KDM2B: variants seen among roughly 807,000 people sequenced by gnomAD.
KDM2B encodes the protein lysine-specific demethylase 2B.
A neutral mutation model predicts 150.0 loss-of-function variants in KDM2B; 26 were observed. That is an observed-to-expected ratio of 0.17 (90% CI 0.13 to 0.24). The LOEUF is 0.24. Among genes scored for constraint, KDM2B ranks in the 10% least tolerant of loss-of-function variants. KDM2B has a pLI of 1.00. For synonymous variants in KDM2B, 734 were observed against 729.5 expected (o/e 1.01, Z -0.10); for missense variants, 1,265 against 1,816.9 (o/e 0.70, Z 5.52).
At chr12:121,423,701 G>C in the KDM2B span, 1 of 826,934 alleles carries the variant, frequency 1.2e-6, no homozygotes, top group Non-Finnish European at 1.9e-6. This position sits in a 1 kb window ranked among gnomAD's most constrained non-coding sequence, Gnocchi z 4.3. Context: ...TGACTACTAA[G>C]TGGGGACAGA....
In KDM2B at chr12:121,509,575, C is replaced by A; in HGVS notation, c.1639G>T (p.Gly547Cys). The change falls in exon 11 of 23, where the codon GGT becomes TGT. Residue 547 changes from glycine to cysteine, a missense_variant. This residue lies in a region of KDM2B where 69 missense variants were observed against 85.7 expected (regional missense o/e 0.81). Coordinates refer to ENST00000377071, the MANE Select transcript of KDM2B (RefSeq NM_032590.5). ...GIEDPQALLE[G>C]VKNVLKEHAD... ...ACGCCACTCCTGCCCACCTTCACAC[C>A]CTCCAGGAGTGCCTGGGGGTCCTCG... 6.2e-7 allele frequency: 1 copy of A among 1,613,086 alleles called. No homozygotes were observed. The highest frequency in any genetic ancestry group is 8.5e-7 in the Non-Finnish European group (1 of 1,179,706).
chr12:121,463,995 C>G (rs1879474096), intron 12 of KDM2B, among the ~76,000 whole-genome samples: 2 of 151,676 alleles, frequency 1.3e-5, no homozygotes, highest in Admixed American at 1.3e-4. Context: ...AAAGCCAAGA[C>G]AGGAGGATCA....
chr12:121,446,901 CAG>C (rs1876373299), intron 13 of KDM2B, among the ~76,000 whole-genome samples: 1 of 152,180 alleles, frequency 6.6e-6, no homozygotes, highest in South Asian at 2.1e-4. Context: ...CCGCCTAACT[CAG>C]GGAGCCAATA....
chr12:121,510,881 G>A (rs1254390221), intron 10 of KDM2B, among the ~76,000 whole-genome samples: 2 of 151,990 alleles, frequency 1.3e-5, no homozygotes, highest in African/African-American at 4.8e-5. Context: ...TCAACTCAGT[G>A]AAATGTCCCA....
Position 121,493,059 on chromosome 12 carries a change from C to CTTT in KDM2B, c.1734+1517_1734+1519dup, listed in dbSNP as rs61628112. On this transcript the variant is annotated intron_variant, in intron 12 of 22. Transcript: ENST00000377071. The stretch of plus-strand genomic sequence containing the variant: ...TACAGGCATGCACTATCATGCCTGG[C>CTTT]TTTTTTTTTTTTTTTTTTTTTTTTT... Among the ~76,000 whole-genome samples, 432 of 54,078 alleles carry CTTT rather than the reference C, an allele frequency of 8.0e-3. 130 individuals carry two copies. The highest frequency in any genetic ancestry group is 0.049 in the African/African-American group (409 of 8,342). The allele number at this position is 54,078 out of a possible 152,430, so 35.5% of individuals were successfully genotyped here. A position where few individuals can be genotyped will look rare whatever the true frequency, so the allele number is the denominator to read the frequency against.
At chr12:121,494,349 G>C (rs1393735140) in intron 12 of KDM2B, 10 of 469,330 alleles carry the variant, frequency 2.1e-5, no homozygotes, top group African/African-American at 8.1e-5. Flanking sequence ...GCACCCCCCA[G>C]TTTTCCAAGT....
At position 121,532,741 on chromosome 12, in the gene KDM2B, G is replaced by T; in HGVS notation, c.931+65C>A. The T allele has an allele frequency of 2.6e-6, 4 of 1,554,932 alleles. No individual in the cohort carries two copies. In the East Asian group the frequency reaches 6.7e-5, roughly 26 times the overall value. On this transcript the variant is annotated intron_variant, in intron 8 of 22. Coordinates refer to ENST00000377071, the MANE Select transcript of KDM2B (RefSeq NM_032590.5). ...CCAGGCCCAGAGCAACCCTCAGGGG[G>T]CCTAAAACCCTGGCTCAGGCCGCAG...
intron 22 of KDM2B, among the ~76,000 whole-genome samples, chr12:121,433,472 A>C (rs1873412437): frequency 6.6e-6 from 1 of 152,216 alleles, no homozygotes; most frequent in Admixed American, 6.5e-5. Context: ...CTCCCACCTC[A>C]GCTTCCTGAG....
chr12:121,426,451 C>A (rs550983493), downstream of KDM2B, among the ~76,000 whole-genome samples: 3 of 139,560 alleles, frequency 2.1e-5, no homozygotes, highest in South Asian at 5.2e-4. Context: ...CCCTCCCCCC[C>A]CTTTTTTTTT....
chr12:121,486,618 C>T (rs1882794847), intron 12 of KDM2B, among the ~76,000 whole-genome samples: 1 of 151,974 alleles, frequency 6.6e-6, no homozygotes, highest in African/African-American at 2.4e-5. Flanking sequence ...GAAACCCTGT[C>T]TCTACTAAAA....
At chr12:121,509,069 G>C (rs947496871) in intron 11 of KDM2B, among the ~76,000 whole-genome samples, 3 of 151,846 alleles carry the variant, frequency 2.0e-5, no homozygotes, top group Non-Finnish European at 4.4e-5. Flanking sequence ...CAGCTCTTTT[G>C]TTTTTTTGAG....
intron 12 of KDM2B, among the ~76,000 whole-genome samples, chr12:121,490,397 C>G (rs1234851258): frequency 6.6e-6 from 1 of 152,188 alleles, no homozygotes; most frequent in Non-Finnish European, 1.5e-5. Flanking sequence ...GGTTTGGCCA[C>G]TAGAGATAAT....
chr12:121,540,173 C>T (rs755996659), intron 6 of KDM2B, among the ~76,000 whole-genome samples: 151 of 152,252 alleles, frequency 9.9e-4, no homozygotes, highest in Non-Finnish European at 9.1e-4. Context: ...TATGGTGGTG[C>T]GTTGGTCCAT....
At chr12:121,419,342 T>C in the KDM2B span, among the ~76,000 whole-genome samples, 3 of 152,166 alleles carry the variant, frequency 2.0e-5, no homozygotes, top group Admixed American at 6.5e-5. Context: ...GTTCGCACAA[T>C]GACAAAATCG....
intron 6 of KDM2B, among the ~76,000 whole-genome samples, chr12:121,543,000 A>G (rs1888723264): frequency 6.6e-6 from 1 of 152,080 alleles, no homozygotes; most frequent in Non-Finnish European, 1.5e-5. Flanking sequence ...AGGTGCAACT[A>G]CCCCCACTCC....
intron 22 of KDM2B, among the ~76,000 whole-genome samples, chr12:121,437,619 T>C (rs527826264): frequency 6.6e-6 from 1 of 152,188 alleles, no homozygotes; most frequent in African/African-American, 2.4e-5. Context: ...TAAGGCATTG[T>C]CTCAGGTAGT....
intron 12 of KDM2B, among the ~76,000 whole-genome samples, chr12:121,454,400 T>C (rs1469844801): frequency 6.6e-6 from 1 of 152,098 alleles, no homozygotes; most frequent in Non-Finnish European, 1.5e-5. Context: ...AGACAGTAGG[T>C]GGACAGAGAG....
At chr12:121,461,535 G>A (rs1438261060) in intron 12 of KDM2B, among the ~76,000 whole-genome samples, 4 of 152,160 alleles carry the variant, frequency 2.6e-5, no homozygotes, top group Non-Finnish European at 4.4e-5. Context: ...TGCTCTAGAA[G>A]CAGACCCAGT....
At chr12:121,458,891 T>C (rs937473649) in intron 12 of KDM2B, among the ~76,000 whole-genome samples, 5 of 151,478 alleles carry the variant, frequency 3.3e-5, no homozygotes, top group African/African-American at 1.2e-4. Flanking sequence ...ATTGAGACCA[T>C]CCTGCTCAAC....
Sources: allele counts gnomAD v4.1 joint callset (sites outside exome capture counted in the v4.1 genomes callset), GRCh38; gene constraint gnomAD v4.1.1; regional missense constraint gnomAD v4.1.1; non-coding constraint Gnocchi (gnomAD v3.1); transcripts MANE v1.5; gene names NCBI Gene and HGNC (gene_info 2026-07-23, HGNC 2026-07-21).